The following RNF38 variants were observed in gnomAD, a reference collection of about 807,000 sequenced individuals.
The protein encoded by RNF38 is ring finger protein 38, also known as E3 ubiquitin-protein ligase RNF38.
Under a neutral mutation model 67.2 loss-of-function variants are expected in RNF38, and 15 were observed. That is an observed-to-expected ratio of 0.22 (90% CI 0.15 to 0.34). The LOEUF (loss-of-function observed/expected upper bound fraction) is 0.34, where lower values mean the gene tolerates loss of function less well. Ranked by LOEUF, RNF38 falls within the 10% of genes least tolerant of loss-of-function variation. The pLI is 1.00. For missense variants in RNF38, 524 were observed against 639.9 expected, an observed-to-expected ratio of 0.82 and a Z score of 1.95; for synonymous variants, 220 against 218.8, an observed-to-expected ratio of 1.01 and a Z score of -0.05.
intron 1 of RNF38, among the ~76,000 whole-genome samples, chr9:36,443,150 T>C (rs553655156): frequency 2.0e-5 from 3 of 152,352 alleles, no homozygotes; most frequent in South Asian, 2.1e-4. Context: ...GTTTTTAATA[T>C]GTTTGTTATC....
chr9:36,419,825 C>G (rs1838572884), intron 2 of RNF38, among the ~76,000 whole-genome samples: 1 of 152,026 alleles, frequency 6.6e-6, no homozygotes, highest in Non-Finnish European at 1.5e-5. Flanking sequence ...CTGTCACAAA[C>G]AAACAAACAA....
chr9:36,367,433 T>C (rs540705759), intron 4 of RNF38, among the ~76,000 whole-genome samples: 3 of 152,176 alleles, frequency 2.0e-5, no homozygotes, highest in Non-Finnish European at 2.9e-5. Flanking sequence ...CTATTAATAT[T>C]TTTCCTTTAT....
At chr9:36,400,620 T>C, upstream of RNF38, 4 of 985,798 alleles carry the variant, frequency 4.1e-6, no homozygotes, top group Non-Finnish European at 4.8e-6. Context: ...CGCCTCCTAT[T>C]GTGACTGCTC....
intron 2 of RNF38, among the ~76,000 whole-genome samples, chr9:36,414,668 G>A (rs146809674): frequency 0.031 from 4,477 of 144,596 alleles, 166 homozygotes; most frequent in Admixed American, 0.1. Context: ...CCTGGGCAAC[G>A]AGAGCGAAAC....
rs191602608 is a variant in RNF38 at position 36,422,106 on chromosome 9, C to A, written n.312+2507G>T. Among the ~76,000 whole-genome samples, 14 of 152,220 alleles carry A rather than the reference C, an allele frequency of 9.2e-5. No individual in the cohort carries two copies. The East Asian group carries it at 2.7e-3, about 29-fold the overall frequency. On this transcript the variant is annotated intron_variant and non_coding_transcript_variant, in intron 2 of 3. Coordinates refer to the RNF38 transcript ENST00000488058. ...AATTAGCCAGGCACGGTGATGAACA[C>A]CTGCAGTCCCAGCTACTTGGGAGGC...
chr9:36,463,962 T>G (rs1469760281), intron 1 of RNF38, among the ~76,000 whole-genome samples: 1 of 151,656 alleles, frequency 6.6e-6, no homozygotes, highest in Non-Finnish European at 1.5e-5. Flanking sequence ...GGTCAGGAGA[T>G]AGAGACCATC....
At chr9:36,367,951 A>G (rs1327683861) in intron 4 of RNF38, among the ~76,000 whole-genome samples, 2 of 152,170 alleles carry the variant, frequency 1.3e-5, no homozygotes, top group African/African-American at 4.8e-5. Flanking sequence ...TCACAGGTTC[A>G]AGCGCTTCTC....
intron 1 of RNF38, among the ~76,000 whole-genome samples, chr9:36,397,033 G>GTA (rs1200787049): frequency 3.5e-5 from 5 of 143,890 alleles, no homozygotes; most frequent in East Asian, 2.0e-4. Flanking sequence ...GTGTATATAC[G>GTA]TATATACGTA....
intron 11 of RNF38, among the ~76,000 whole-genome samples, chr9:36,340,080 A>G (rs939319201): frequency 1.3e-5 from 2 of 152,086 alleles, no homozygotes; most frequent in Non-Finnish European, 2.9e-5. Flanking sequence ...CCTGGGTTCA[A>G]GCGATTCTCC....
chr9:36,373,360 ACAGT>A (rs1835535032), intron 3 of RNF38, among the ~76,000 whole-genome samples: 1 of 152,208 alleles, frequency 6.6e-6, no homozygotes, highest in African/African-American at 2.4e-5. Flanking sequence ...TGCTTAATAA[ACAGT>A]CAAAGAAAAA....
At chr9:36,433,537 C>A (rs1306329134) in intron 1 of RNF38, among the ~76,000 whole-genome samples, 1 of 151,586 alleles carries the variant, frequency 6.6e-6, no homozygotes, top group Non-Finnish European at 1.5e-5. Context: ...GTCAGGAGTT[C>A]GAGATCAGGC....
chr9:36,439,912 T>C (rs988666396), intron 1 of RNF38, among the ~76,000 whole-genome samples: 2 of 152,120 alleles, frequency 1.3e-5, no homozygotes, highest in Non-Finnish European at 2.9e-5. Context: ...TTGGTATCCA[T>C]TGATATCTAT....
chr9:36,400,622 T>G (rs1837942848), upstream of RNF38: 1 of 985,778 alleles, frequency 1.0e-6, no homozygotes, highest in Non-Finnish European at 1.2e-6. Flanking sequence ...CCTCCTATTG[T>G]GACTGCTCGC....
chr9:36,400,007 T>A, intron 1 of RNF38, 90 bp downstream of exon 1: 1 of 1,147,184 alleles, frequency 8.7e-7, no homozygotes, highest in Non-Finnish European at 1.3e-6. Context: ...ATTACATGTG[T>A]GTGTTTCTAC....
intron 1 of RNF38, among the ~76,000 whole-genome samples, chr9:36,464,887 A>C (rs1161085024): frequency 6.6e-6 from 1 of 152,218 alleles, no homozygotes; most frequent in Non-Finnish European, 1.5e-5. Context: ...AAGCAAATGT[A>C]CTAAAATGCT....
chr9:36,389,893 G>A, intron 2 of RNF38, among the ~76,000 whole-genome samples: 1 of 152,178 alleles, frequency 6.6e-6, no homozygotes, highest in East Asian at 1.9e-4. Context: ...TGGATTGAAA[G>A]TTTGGTAGCC....
At chr9:36,458,470 C>T (rs975613081) in intron 1 of RNF38, among the ~76,000 whole-genome samples, 1 of 152,210 alleles carries the variant, frequency 6.6e-6, no homozygotes, top group Non-Finnish European at 1.5e-5. Flanking sequence ...TCTGCACTAC[C>T]TTTATGAGCT....
upstream of RNF38, among the ~76,000 whole-genome samples, chr9:36,405,583 C>T (rs1428001735): frequency 6.6e-6 from 1 of 152,198 alleles, no homozygotes; most frequent in South Asian, 2.1e-4. Flanking sequence ...GCTTTCTATT[C>T]TCTAGAAGTG....
intron 3 of RNF38, 67 bp from the exon 4 acceptor site, chr9:36,369,999 T>C (rs1835257043): frequency 1.6e-6 from 2 of 1,270,334 alleles, no homozygotes; most frequent in Non-Finnish European, 2.2e-6. Flanking sequence ...GTATTGTCTT[T>C]CTTTGATATC....
Sources: allele counts gnomAD v4.1 joint callset (sites outside exome capture counted in the v4.1 genomes callset), GRCh38; gene constraint gnomAD v4.1.1; transcripts MANE v1.5; gene names NCBI Gene and HGNC (gene_info 2026-07-23, HGNC 2026-07-21).